UBE2E2: variants seen among roughly 807,000 people sequenced by gnomAD.
UBE2E2 encodes the protein ubiquitin conjugating enzyme E2 E2, also known as ubiquitin-conjugating enzyme E2 E2.
A neutral mutation model predicts 24.7 loss-of-function variants in UBE2E2; 6 were observed. The observed-to-expected ratio is 0.24, with a 90% CI of 0.13 to 0.48. The LOEUF is 0.48. Ranked by LOEUF, UBE2E2 falls within the 20% of genes least tolerant of loss-of-function variation. The probability of loss-of-function intolerance (pLI) is 0.99; values close to 1 mark genes in which losing one functional copy is unlikely to be tolerated. For missense variants in UBE2E2, 169 were observed against 245.0 expected, an observed-to-expected ratio of 0.69 and a Z score of 2.07; for synonymous variants, 104 against 83.6, an observed-to-expected ratio of 1.24 and a Z score of -1.33.
intron 3 of UBE2E2, among the ~76,000 whole-genome samples, chr3:23,498,484 T>C (rs1464390352): frequency 6.6e-6 from 1 of 152,222 alleles, no homozygotes; most frequent in African/African-American, 2.4e-5. Flanking sequence ...GACTTTTTAA[T>C]TGGAATTATG....
At chr3:23,398,863 T>C (rs1697144137) in intron 3 of UBE2E2, among the ~76,000 whole-genome samples, 1 of 152,178 alleles carries the variant, frequency 6.6e-6, no homozygotes. Flanking sequence ...CAAATACTTA[T>C]TATAAATATT....
intron 3 of UBE2E2, among the ~76,000 whole-genome samples, chr3:23,345,606 G>A (rs1695534760): frequency 1.3e-5 from 2 of 151,892 alleles, no homozygotes; most frequent in Admixed American, 6.6e-5. Flanking sequence ...TAGTAGTTGT[G>A]GAAGAAAATA....
At chr3:23,438,397 T>C (rs1698229949) in intron 3 of UBE2E2, among the ~76,000 whole-genome samples, 2 of 152,160 alleles carry the variant, frequency 1.3e-5, no homozygotes, top group South Asian at 4.1e-4. Flanking sequence ...GAGCAAAGGA[T>C]TGGCAGAAAT....
chr3:23,571,280 C>CTTTCTTTTTTTTTTTTTTTTTTTTT (rs1696218039), intron 5 of UBE2E2, among the ~76,000 whole-genome samples: 6 of 29,866 alleles, frequency 2.0e-4, no homozygotes, highest in African/African-American at 5.2e-4. Context: ...GTGCTCCTTT[C>CTTTCTTTTTTTTTTTTTTTTTTTTT]TTTTTTTTTT....
intron 3 of UBE2E2, among the ~76,000 whole-genome samples, chr3:23,462,673 A>C (rs1698829610): frequency 6.6e-6 from 1 of 152,254 alleles, no homozygotes; most frequent in South Asian, 2.1e-4. Context: ...GACCAATTCT[A>C]CGTCAGATTT....
At chr3:23,569,944 T>C (rs950004433) in intron 5 of UBE2E2, among the ~76,000 whole-genome samples, 4 of 152,194 alleles carry the variant, frequency 2.6e-5, no homozygotes, top group African/African-American at 9.7e-5. Flanking sequence ...TTTTATCCAG[T>C]TACTGCCTTA....
chr3:23,372,141 A>T (rs1240293267), intron 3 of UBE2E2, among the ~76,000 whole-genome samples: 2 of 152,142 alleles, frequency 1.3e-5, no homozygotes, highest in African/African-American at 2.4e-5. Context: ...GAAAAAAGTC[A>T]TTGAGCTGTA....
chr3:23,299,290 C>T (rs1303805141), intron 3 of UBE2E2, among the ~76,000 whole-genome samples: 1 of 152,044 alleles, frequency 6.6e-6, no homozygotes, highest in Admixed American at 6.6e-5. Flanking sequence ...TCCTTCAGTT[C>T]TGCTCTGATT....
chr3:23,479,234 G>C (rs554365253), intron 3 of UBE2E2, among the ~76,000 whole-genome samples: 1 of 152,288 alleles, frequency 6.6e-6, no homozygotes, highest in African/African-American at 2.4e-5. Flanking sequence ...AGAGGTGTGT[G>C]AGCAAACAAT....
At chr3:23,417,035 C>T (rs968884293) in intron 3 of UBE2E2, among the ~76,000 whole-genome samples, 2 of 152,212 alleles carry the variant, frequency 1.3e-5, no homozygotes, top group Admixed American at 6.5e-5. Flanking sequence ...TACCCACCTT[C>T]TGAAGCCTAC....
chr3:23,478,227 C>G (rs1239512287), intron 3 of UBE2E2, among the ~76,000 whole-genome samples: 2 of 152,152 alleles, frequency 1.3e-5, no homozygotes, highest in Non-Finnish European at 2.9e-5. Flanking sequence ...GCCTAGTATG[C>G]AAAGATAAGT....
At chr3:23,428,928 T>TAAAAA (rs34525850) in intron 3 of UBE2E2, among the ~76,000 whole-genome samples, 14 of 75,874 alleles carry the variant, frequency 1.8e-4, no homozygotes, top group East Asian at 8.3e-4. Flanking sequence ...CTCTGTCTCT[T>TAAAAA]AAAAAAAAAA....
rs537237380 is a variant in UBE2E2, at chr3:23,312,167, A to G, written c.227+94855A>G. Among the ~76,000 whole-genome samples the G allele has an allele frequency of 2.0e-4, 31 of 152,222 alleles. No individual in the cohort carries two copies. In the South Asian group the frequency reaches 6.4e-3, roughly 32 times the overall value. On this transcript the variant is annotated intron_variant, in intron 3 of 5. Transcript: ENST00000396703. ...TTCTGCCATGATTGGAAGCCTCCTG[A>G]GGCCTCCCCCCAAAAAAAAGCTGCT...
intron 5 of UBE2E2, among the ~76,000 whole-genome samples, chr3:23,562,196 G>C (rs1029930417): frequency 5.3e-5 from 8 of 151,988 alleles, no homozygotes; most frequent in African/African-American, 7.3e-5. Context: ...TATGATATTG[G>C]CTGTGGGTTT....
At chr3:23,369,812 A>C (rs947430499) in intron 3 of UBE2E2, among the ~76,000 whole-genome samples, 5 of 152,208 alleles carry the variant, frequency 3.3e-5, no homozygotes, top group Non-Finnish European at 2.9e-5. Flanking sequence ...TATACCCTGA[A>C]AGCATGATGT....
chr3:23,318,084 A>T (rs1251035379), intron 3 of UBE2E2, among the ~76,000 whole-genome samples: 1 of 151,980 alleles, frequency 6.6e-6, no homozygotes, highest in Non-Finnish European at 1.5e-5. Context: ...TTTGATTCTA[A>T]TGGATAATTC....
chr3:23,403,903 G>T (rs1287266099), intron 3 of UBE2E2, among the ~76,000 whole-genome samples: 2 of 151,422 alleles, frequency 1.3e-5, no homozygotes, highest in African/African-American at 4.8e-5. Context: ...CCAAGATGAA[G>T]AATTAACCAT....
At chr3:23,485,159 A>G (rs1699337137) in intron 3 of UBE2E2, among the ~76,000 whole-genome samples, 1 of 139,478 alleles carries the variant, frequency 7.2e-6, no homozygotes, top group South Asian at 2.2e-4. Flanking sequence ...CAGTGGCACG[A>G]TCTTGGCTCA....
chr3:23,521,172 A>G (rs59738871), intron 4 of UBE2E2, among the ~76,000 whole-genome samples: 26,122 of 152,184 alleles, frequency 0.17, 2,365 homozygotes, highest in Middle Eastern at 0.24. Context: ...CATTATTTTC[A>G]TTTTACATTT....
Sources: allele counts gnomAD v4.1 joint callset (sites outside exome capture counted in the v4.1 genomes callset), GRCh38; gene constraint gnomAD v4.1.1; transcripts MANE v1.5; gene names NCBI Gene and HGNC (gene_info 2026-07-23, HGNC 2026-07-21).